The following PPP3CA variants were observed in gnomAD, a reference collection of about 807,000 sequenced individuals.
PPP3CA encodes the protein protein phosphatase 3 catalytic subunit alpha, also known as CAM-PRP catalytic subunit.
In PPP3CA, 14 loss-of-function variants were observed where a neutral mutation model predicts 66.5. The observed-to-expected ratio is 0.21, with a 90% confidence interval of 0.14 to 0.33. PPP3CA has a LOEUF of 0.33. PPP3CA is among the 10% of genes least tolerant of loss of function. PPP3CA has a pLI of 1.00. For missense variants in PPP3CA, 317 were observed against 639.5 expected (o/e 0.50, Z 5.44); for synonymous variants, 232 against 226.2 (o/e 1.03, Z -0.23).
intron 2 of PPP3CA, among the ~76,000 whole-genome samples, chr4:101,159,290 C>A (rs996146709): frequency 1.1e-4 from 17 of 152,142 alleles, no homozygotes; most frequent in Non-Finnish European, 2.2e-4. Flanking sequence ...TTCCTGCAGG[C>A]CACGCTGCTC....
At chr4:101,278,122 T>TAAA (rs3077992) in intron 1 of PPP3CA, among the ~76,000 whole-genome samples, 14 of 112,148 alleles carry the variant, frequency 1.2e-4, no homozygotes, top group African/African-American at 2.6e-4. Context: ...AAGCTATTAG[T>TAAA]AAAAAAAAAA....
At chr4:101,287,257 GA>G (rs1305919151) in intron 1 of PPP3CA, among the ~76,000 whole-genome samples, 3 of 151,972 alleles carry the variant, frequency 2.0e-5, no homozygotes, top group Non-Finnish European at 4.4e-5. Flanking sequence ...TAAAATTTTT[GA>G]ATTAGCCACC....
intron 2 of PPP3CA, among the ~76,000 whole-genome samples, chr4:101,133,081 G>C (rs531276685): frequency 6.6e-5 from 10 of 152,130 alleles, no homozygotes; most frequent in African/African-American, 2.2e-4. Context: ...AATAAACTAG[G>C]TATTGATAGA....
At chr4:101,051,766 C>T (rs1421354050) in intron 10 of PPP3CA, among the ~76,000 whole-genome samples, 1 of 152,014 alleles carries the variant, frequency 6.6e-6, no homozygotes, top group Non-Finnish European at 1.5e-5. Context: ...TTTATAAATC[C>T]ATTTATGCTT....
chr4:101,048,632 G>C (rs1302592265), intron 10 of PPP3CA, among the ~76,000 whole-genome samples: 1 of 147,298 alleles, frequency 6.8e-6, no homozygotes, highest in Non-Finnish European at 1.5e-5. Flanking sequence ...TCATCTTTTT[G>C]AAGATTACAA....
intron 1 of PPP3CA, among the ~76,000 whole-genome samples, chr4:101,287,517 C>CT (rs1727882428): frequency 6.6e-6 from 1 of 152,096 alleles, no homozygotes; most frequent in African/African-American, 2.4e-5. Flanking sequence ...TGTTAATTTC[C>CT]TTAGATATGC....
At chr4:101,088,584 C>CAAAAAA (rs1174497803) in intron 6 of PPP3CA, among the ~76,000 whole-genome samples, 2 of 35,692 alleles carry the variant, frequency 5.6e-5, no homozygotes, top group Non-Finnish European at 6.5e-5. Context: ...GACTCCATCT[C>CAAAAAA]AAAAAAAAAA....
At chr4:101,095,221 C>G (rs1204316579) in intron 5 of PPP3CA, among the ~76,000 whole-genome samples, 1 of 152,042 alleles carries the variant, frequency 6.6e-6, no homozygotes, top group Non-Finnish European at 1.5e-5. Context: ...AAAAATAATA[C>G]TTGTCCCTAA....
intron 1 of PPP3CA, among the ~76,000 whole-genome samples, chr4:101,253,849 T>C (rs938249973): frequency 6.6e-6 from 1 of 152,008 alleles, no homozygotes; most frequent in South Asian, 2.1e-4. Context: ...TCTTTTACGA[T>C]GCTCCTTAGA....
intron 11 of PPP3CA, among the ~76,000 whole-genome samples, chr4:101,038,950 G>C (rs181508538): frequency 6.6e-6 from 1 of 152,162 alleles, no homozygotes; most frequent in South Asian, 2.1e-4. Flanking sequence ...TTTATCACGG[G>C]ATAGTCATGG....
chr4:101,212,663 G>C (rs1484828809), intron 1 of PPP3CA, among the ~76,000 whole-genome samples: 2 of 152,040 alleles, frequency 1.3e-5, no homozygotes, highest in African/African-American at 2.4e-5. Context: ...GCCTAAAGGT[G>C]GTTGTCTAAA....
At chr4:101,122,890 G>T (rs1485200200) in intron 2 of PPP3CA, among the ~76,000 whole-genome samples, 1 of 152,106 alleles carries the variant, frequency 6.6e-6, no homozygotes, top group East Asian at 1.9e-4. Context: ...TTTAATTTGA[G>T]GTTTGCTGCA....
intron 10 of PPP3CA, among the ~76,000 whole-genome samples, chr4:101,045,793 T>C (rs1171458014): frequency 6.6e-6 from 1 of 152,144 alleles, no homozygotes; most frequent in African/African-American, 2.4e-5. Flanking sequence ...CTTTGCCAGA[T>C]ACCAAAAAAG....
intron 2 of PPP3CA, among the ~76,000 whole-genome samples, chr4:101,111,436 A>G (rs1433369440): frequency 6.6e-6 from 1 of 152,090 alleles, no homozygotes; most frequent in Non-Finnish European, 1.5e-5. Flanking sequence ...AGGGTCAAAC[A>G]TTTGTAAGTT....
At chr4:101,182,362 A>G (rs529352525) in intron 2 of PPP3CA, among the ~76,000 whole-genome samples, 30 of 152,252 alleles carry the variant, frequency 2.0e-4, no homozygotes, top group Non-Finnish European at 4.1e-4. Flanking sequence ...ACTGGGAACT[A>G]GGGGAAGAGA....
At chr4:101,144,623 T>C (rs1317601767) in intron 2 of PPP3CA, among the ~76,000 whole-genome samples, 1 of 152,206 alleles carries the variant, frequency 6.6e-6, no homozygotes, top group African/African-American at 2.4e-5. Flanking sequence ...TAGACTGATT[T>C]CAGTCTGTCT....
chr4:101,062,598 G>A (rs752667204), intron 9 of PPP3CA, among the ~76,000 whole-genome samples: 8 of 151,922 alleles, frequency 5.3e-5, no homozygotes, highest in Admixed American at 1.3e-4. Context: ...TTTTGTTGGG[G>A]TTTAAGTCAA....
chr4:101,027,406 T>G (rs777086547), intron 13 of PPP3CA, among the ~76,000 whole-genome samples: 12 of 152,110 alleles, frequency 7.9e-5, no homozygotes, highest in Non-Finnish European at 1.8e-4. Flanking sequence ...TGAGAAATAG[T>G]TTTTCCCCCC....
chr4:101,123,830 A>C (rs547739914), intron 2 of PPP3CA, among the ~76,000 whole-genome samples: 1 of 152,318 alleles, frequency 6.6e-6, no homozygotes, highest in South Asian at 2.1e-4. Context: ...ATACCTATCT[A>C]AGCCTCAAGT....
Sources: allele counts gnomAD v4.1 joint callset (sites outside exome capture counted in the v4.1 genomes callset), GRCh38; gene constraint gnomAD v4.1.1; transcripts MANE v1.5; gene names NCBI Gene and HGNC (gene_info 2026-07-23, HGNC 2026-07-21).